CNTN1: variants seen among roughly 807,000 people sequenced by gnomAD.
CNTN1 encodes the protein contactin 1, also known as contactin-1.
CNTN1 carries 38 observed loss-of-function variants against 126.4 expected under a neutral mutation model. That is an observed-to-expected ratio of 0.30 (90% CI 0.23 to 0.39). The LOEUF is 0.39. Among genes scored for constraint, CNTN1 ranks in the 10% least tolerant of loss-of-function variants. The pLI is 1.00. For synonymous variants in CNTN1, 413 were observed against 422.6 expected, an observed-to-expected ratio of 0.98 and a Z score of 0.28; for missense variants, 1,009 against 1,248.4, an observed-to-expected ratio of 0.81 and a Z score of 2.89.
intron 1 of CNTN1, among the ~76,000 whole-genome samples, chr12:40,846,568 T>A (rs1942510838): frequency 6.6e-6 from 1 of 152,160 alleles, no homozygotes; most frequent in Non-Finnish European, 1.5e-5. Flanking sequence ...TTCACCAGAG[T>A]CAAGTCTCCA....
chr12:40,958,623 A>C (rs1477532392), intron 14 of CNTN1, among the ~76,000 whole-genome samples: 1 of 152,036 alleles, frequency 6.6e-6, no homozygotes, highest in African/African-American at 2.4e-5. Context: ...ATGTTAGTGG[A>C]ATTGTACATT....
chr12:41,016,940 A>T (rs2120748329), intron 19 of CNTN1, 24 bp downstream of exon 19: 1 of 1,575,970 alleles, frequency 6.3e-7, no homozygotes, highest in Non-Finnish European at 8.7e-7. Context: ...AGACCTTCTT[A>T]CCTGAGGAGG....
intron 1 of CNTN1, among the ~76,000 whole-genome samples, chr12:40,847,013 G>T (rs900282183): frequency 1.3e-5 from 2 of 152,074 alleles, no homozygotes; most frequent in Non-Finnish European, 2.9e-5. Flanking sequence ...GGTTACGGGC[G>T]TGTGCCACCA....
At chr12:40,695,758 TTTC>T (rs1367103427) in intron 1 of CNTN1, among the ~76,000 whole-genome samples, 2 of 152,348 alleles carry the variant, frequency 1.3e-5, no homozygotes, top group East Asian at 3.9e-4. Flanking sequence ...AGCGTACTTT[TTTC>T]TTAATTTTTC....
At chr12:40,963,711 T>C (rs943539801) in intron 15 of CNTN1, among the ~76,000 whole-genome samples, 1 of 152,086 alleles carries the variant, frequency 6.6e-6, no homozygotes, top group African/African-American at 2.4e-5. Context: ...TTAAGAGTAT[T>C]GATACAAATT....
chr12:40,910,066 T>C lies in CNTN1; in HGVS notation c.62-7T>C. On this transcript the variant is annotated splice_region_variant and splice_polypyrimidine_tract_variant and intron_variant, in intron 2 of 23. Coordinates refer to ENST00000551295, the MANE Select transcript of CNTN1 (RefSeq NM_001843.4). ...AGGATCAAAATTGTTTTTTCTTTCA[T>C]TTTTAGAGTTTACATGGTATAGAAG... 1.9e-6 allele frequency: 3 copies of C among 1,603,306 alleles called. No individual in the cohort carries two copies. Among genetic ancestry groups the C allele is most frequent in the Non-Finnish European group, 2.6e-6 (3 of 1,171,266 alleles).
At chr12:41,000,058 A>T (rs1217696319) in intron 17 of CNTN1, among the ~76,000 whole-genome samples, 2 of 152,154 alleles carry the variant, frequency 1.3e-5, no homozygotes, top group East Asian at 3.9e-4. Context: ...TCAGTGAATG[A>T]TCTCTGAAGA....
intron 15 of CNTN1, among the ~76,000 whole-genome samples, chr12:40,966,651 T>C (rs538413992): frequency 3.2e-4 from 48 of 152,174 alleles, no homozygotes; most frequent in Non-Finnish European, 4.7e-4. Flanking sequence ...ACATCAATAA[T>C]TTGAAATTGT....
chr12:40,943,572 A>G, intron 12 of CNTN1, 25 bp from the exon 13 acceptor site: 1 of 1,507,962 alleles, frequency 6.6e-7, no homozygotes, highest in Non-Finnish European at 9.2e-7. Flanking sequence ...AGGTTTGTGA[A>G]TTATATATAT....
chr12:40,866,499 G>A (rs1206636142), intron 1 of CNTN1, among the ~76,000 whole-genome samples: 1 of 152,056 alleles, frequency 6.6e-6, no homozygotes, highest in African/African-American at 2.4e-5. Context: ...TCCTAGTTTA[G>A]TAAGCATTTT....
At chr12:40,846,845 C>T (rs1464331441) in intron 1 of CNTN1, among the ~76,000 whole-genome samples, 1 of 148,522 alleles carries the variant, frequency 6.7e-6, no homozygotes. Flanking sequence ...AAACATGCTA[C>T]CATGCCCAGT....
At chr12:41,057,149 T>C (rs1031635018) in intron 23 of CNTN1, among the ~76,000 whole-genome samples, 2 of 144,174 alleles carry the variant, frequency 1.4e-5, no homozygotes, top group Admixed American at 7.1e-5. Flanking sequence ...TATATTTAGA[T>C]ATTTATAAAT....
chr12:40,992,700 T>G (rs907959591), intron 16 of CNTN1, among the ~76,000 whole-genome samples: 1 of 152,206 alleles, frequency 6.6e-6, no homozygotes, highest in African/African-American at 2.4e-5. Flanking sequence ...TATAAATCGT[T>G]TGCTAGCCAT....
intron 1 of CNTN1, among the ~76,000 whole-genome samples, chr12:40,725,459 T>G (rs969343085): frequency 6.6e-6 from 1 of 150,520 alleles, no homozygotes; most frequent in Non-Finnish European, 1.5e-5. Flanking sequence ...AATGGGAAAT[T>G]TTTTCTCTTT....
intron 3 of CNTN1, among the ~76,000 whole-genome samples, chr12:40,914,915 A>G (rs1945175259): frequency 6.6e-6 from 1 of 152,120 alleles, no homozygotes; most frequent in African/African-American, 2.4e-5. Flanking sequence ...TATAGGAATA[A>G]CCCTATATAC....
chr12:40,989,098 G>T (rs1214608653), intron 16 of CNTN1, among the ~76,000 whole-genome samples: 3 of 152,136 alleles, frequency 2.0e-5, no homozygotes, highest in Non-Finnish European at 2.9e-5. Context: ...TCTTCATTTG[G>T]CTTGAGGCAT....
At chr12:40,821,671 C>A (rs1172562971) in intron 1 of CNTN1, among the ~76,000 whole-genome samples, 1 of 152,070 alleles carries the variant, frequency 6.6e-6, no homozygotes, top group Non-Finnish European at 1.5e-5. Flanking sequence ...GTTACATAAA[C>A]CATGTACAAG....
intron 1 of CNTN1, among the ~76,000 whole-genome samples, chr12:40,768,764 G>C (rs961599849): frequency 6.6e-6 from 1 of 152,186 alleles, no homozygotes; most frequent in African/African-American, 2.4e-5. Context: ...TGACTTCTCT[G>C]AATGCAAAGT....
chr12:41,024,029 A>G (rs985619497), intron 20 of CNTN1, among the ~76,000 whole-genome samples: 9 of 152,252 alleles, frequency 5.9e-5, no homozygotes, highest in Admixed American at 5.9e-4. Flanking sequence ...AGTTTTATAA[A>G]TGTGCCTCTG....
Sources: allele counts gnomAD v4.1 joint callset (sites outside exome capture counted in the v4.1 genomes callset), GRCh38; gene constraint gnomAD v4.1.1; transcripts MANE v1.5; gene names NCBI Gene and HGNC (gene_info 2026-07-23, HGNC 2026-07-21).